LMO3: variants seen among roughly 807,000 people sequenced by gnomAD.
LMO3 encodes the protein LIM domain only 3.
Under a neutral mutation model 15.8 loss-of-function variants are expected in LMO3, and 2 were observed. The observed-to-expected ratio is 0.13, with a 90% CI of 0.05 to 0.40. The LOEUF (loss-of-function observed/expected upper bound fraction) is 0.40. Among genes scored for constraint, LMO3 ranks in the 10% least tolerant of loss-of-function variants. The probability of loss-of-function intolerance (pLI) is 0.99; values close to 1 mark genes in which losing one functional copy is unlikely to be tolerated. For synonymous variants in LMO3, 62 were observed against 63.8 expected (o/e 0.97, Z 0.13); for missense variants, 86 against 182.2 (o/e 0.47, Z 3.04).
At chr12:16,561,859 A>C (rs1397435049) in intron 2 of LMO3, among the ~76,000 whole-genome samples, 2 of 152,232 alleles carry the variant, frequency 1.3e-5, no homozygotes, top group African/African-American at 2.4e-5. Context: ...TTGAAGGTAG[A>C]AACAATAAAT....
upstream of LMO3, chr12:16,606,663 A>G (rs1010262714): frequency 2.0e-5 from 3 of 152,118 alleles, no homozygotes; most frequent in African/African-American, 7.2e-5. Context: ...GCCACGAGAC[A>G]GATCGGGCTT....
intron 2 of LMO3, among the ~76,000 whole-genome samples, chr12:16,563,987 T>C (rs1383467485): frequency 6.6e-6 from 1 of 152,196 alleles, no homozygotes; most frequent in Non-Finnish European, 1.5e-5. Flanking sequence ...GACCTTTATC[T>C]TGTTTCTGAC....
intron 1 of LMO3, 179 bp downstream of exon 1, chr12:16,605,887 A>G: frequency 1.4e-6 from 2 of 1,463,744 alleles, no homozygotes; most frequent in Non-Finnish European, 1.8e-6. Context: ...AAACCGTCTC[A>G]GTAGAGCTGC....
At chr12:16,574,863 A>G (rs1018714431) in intron 2 of LMO3, among the ~76,000 whole-genome samples, 1 of 152,172 alleles carries the variant, frequency 6.6e-6, no homozygotes, top group African/African-American at 2.4e-5. Context: ...TGACATGTCT[A>G]AGATCTCATA....
In LMO3 at chr12:16,604,250, C is replaced by G. The variant is rs894387645; in HGVS notation, c.-9+1816G>C. Among the ~76,000 whole-genome samples the G allele has an allele frequency of 6.6e-6, 1 of 152,116 alleles. No homozygotes were observed. The highest frequency in any genetic ancestry group is 1.5e-5 in the Non-Finnish European group (1 of 68,034). On this transcript the variant is annotated intron_variant, in intron 1 of 3. Transcript: ENST00000537304. The surrounding 1 kb of genome is among the most constrained non-coding windows in gnomAD (Gnocchi z 5.3). ...CCCAGAGCATCCCTACAGGCTGCAG[C>G]CCCCTAAGGGACAACAATGCAAATA...
rs566591646 is a variant in LMO3 at position 16,595,793 on chromosome 12, G to A, written c.206+4862C>T. ...TATGGTGTTTAAAAGCTCAAATGAA[G>A]CTTATAGAAATAAAGCTTATTTGTA... On this transcript the variant is annotated intron_variant, in intron 2 of 3. Coordinates refer to ENST00000537304, the MANE Select transcript of LMO3 (RefSeq NM_018640.5). 4.3e-4 allele frequency among the ~76,000 whole-genome samples: 65 copies of A among 151,334 alleles called. 1 individual carries two copies. Among genetic ancestry groups the A allele is most frequent in the African/African-American group, 1.4e-3 (60 of 41,456 alleles).
intron 1 of LMO3, chr12:16,605,471 A>C: frequency 1.4e-5 from 6 of 428,876 alleles, no homozygotes; most frequent in Non-Finnish European, 1.6e-5. Flanking sequence ...AAACACAGCC[A>C]CTTTTCCACG....
Position 16,551,201 on chromosome 12 carries a change from T to G in LMO3, c.*21A>C, listed in dbSNP as rs1941977820. On this transcript the variant is annotated 3_prime_UTR_variant, in exon 4 of 4. Coordinates refer to ENST00000537304, the MANE Select transcript of LMO3 (RefSeq NM_018640.5). ...AAAAGAATGTAGTGCTTTGTATTCT[T>G]AATGGGGTGATGTTGATAGATCAGC... The G allele has an allele frequency of 7.1e-7, 1 of 1,416,132 alleles. No individual in the cohort carries two copies. The highest frequency in any genetic ancestry group is 1.7e-5 in the Admixed American group (1 of 59,664). The allele number at this position is 1,416,132 out of a possible 1,614,324, so 87.7% of individuals were successfully genotyped here.
At position 16,559,409 on chromosome 12, in the gene LMO3, C is replaced by CT. The variant is rs1445981715; in HGVS notation, c.332+1003_332+1004insA. Among the ~76,000 whole-genome samples, 1 of 152,064 alleles carries CT rather than the reference C, an allele frequency of 6.6e-6. No individual in the cohort carries two copies. Among genetic ancestry groups the CT allele is most frequent in the African/African-American group, 2.4e-5 (1 of 41,378 alleles). ...TCTCTGAGATGAACTAATCCAGCTTCATATGTTACAAATGAAAAACCTGAG... is the reference window on the plus strand; with the variant it reads ...TCTCTGAGATGAACTAATCCAGCTTCTATATGTTACAAATGAAAAACCTGAG... On this transcript the variant is annotated intron_variant, in intron 3 of 3. Transcript: ENST00000537304. This position sits in a 1 kb window ranked among gnomAD's most constrained non-coding sequence, Gnocchi z 4.1.
At position 16,582,461 on chromosome 12, in the gene LMO3, T is replaced by C. The variant is rs555481321; in HGVS notation, c.206+18194A>G. 5.3e-5 allele frequency among the ~76,000 whole-genome samples: 8 copies of C among 152,226 alleles called. No homozygotes were observed. The highest frequency in any genetic ancestry group is 1.2e-4 in the African/African-American group (5 of 41,466). On this transcript the variant is annotated intron_variant, in intron 2 of 3. Coordinates refer to ENST00000537304, the MANE Select transcript of LMO3 (RefSeq NM_018640.5). This position sits in a 1 kb window ranked among gnomAD's most constrained non-coding sequence, Gnocchi z 4.1. ...TTGTCTTTATCAGGTCAAGGTACTG[T>C]ATTAGAGTTATGTTAGTTTTGCATA... is the stretch of plus-strand genomic sequence containing the variant.
rs920762010 is a variant in LMO3 at position 16,560,704 on chromosome 12, A to G, written c.207-166T>C. The G allele has an allele frequency of 1.5e-6, 1 of 656,276 alleles. No individual in the cohort carries two copies. The highest frequency in any genetic ancestry group is 2.7e-6 in the Non-Finnish European group (1 of 376,996). The allele number at this position is 656,276 out of a possible 1,614,324, so 40.7% of individuals were successfully genotyped here. A position where few individuals can be genotyped will look rare whatever the true frequency, so the allele number is the denominator to read the frequency against. ...GTATGCATAAATATTCTTCTGCAAT[A>G]TATTCTCCGTTGACCTTCCTTGATG... On this transcript the variant is annotated intron_variant, in intron 2 of 3. Transcript: ENST00000537304. This position sits in a 1 kb window ranked among gnomAD's most constrained non-coding sequence, Gnocchi z 5.0.
Position 16,604,744 on chromosome 12 carries a change from C to T in LMO3, c.-9+1322G>A. The T allele has an allele frequency of 9.1e-7, 1 of 1,097,182 alleles. No homozygotes were observed. The allele number at this position is 1,097,182 out of a possible 1,614,324, so 68.0% of individuals were successfully genotyped here. On this transcript the variant is annotated intron_variant, in intron 1 of 3. Transcript: ENST00000537304. The surrounding 1 kb of genome is among the most constrained non-coding windows in gnomAD (Gnocchi z 5.3). ...AAGCAGCAGTCTTTCAAAGCAGTTA[C>T]AACAATAATATTTCGGTTCTTTCAG...
intron 1 of LMO3, chr12:16,605,085 G>A: frequency 2.8e-6 from 4 of 1,454,256 alleles, no homozygotes; most frequent in Middle Eastern, 2.4e-4. Context: ...AAGGGATGAG[G>A]ACGGCCAGAC....
Position 16,560,378 on chromosome 12 carries a change from A to G in LMO3, c.332+35T>C. 1 of 1,602,550 alleles carries G rather than the reference A, an allele frequency of 6.2e-7. No individual in the cohort carries two copies. The highest frequency in any genetic ancestry group is 8.5e-7 in the Non-Finnish European group (1 of 1,175,034). On this transcript the variant is annotated intron_variant, in intron 3 of 3. Coordinates refer to ENST00000537304, the MANE Select transcript of LMO3 (RefSeq NM_018640.5). The surrounding 1 kb of genome is among the most constrained non-coding windows in gnomAD (Gnocchi z 5.0). Reference sequence around the variant, plus strand: ...ATAAATAGCCAGCACAGAGAGGTTAACCATTTCTTAGAGACCAAAAAGAGA... The same window carrying G: ...ATAAATAGCCAGCACAGAGAGGTTAGCCATTTCTTAGAGACCAAAAAGAGA...
At position 16,550,073 on chromosome 12, in the gene LMO3, C is replaced by A. The variant is rs1292853004; in HGVS notation, c.*1149G>T. 2 of 151,934 alleles carry A rather than the reference C, an allele frequency of 1.3e-5. No homozygotes were observed. The highest frequency in any genetic ancestry group is 4.8e-5 in the African/African-American group (2 of 41,404). The allele number at this position is 151,934 out of a possible 1,614,324, so 9.4% of individuals were successfully genotyped here. On this transcript the variant is annotated 3_prime_UTR_variant, in exon 4 of 4. Coordinates refer to ENST00000537304, the MANE Select transcript of LMO3 (RefSeq NM_018640.5). The stretch of plus-strand genomic sequence containing the variant: ...CACTAGTTCTCAGCATTTTATCAAT[C>A]CCTTTGTTTCTCTTCTTCTAGAAGA...
In LMO3 at chr12:16,582,909, T is replaced by C. The variant is rs1253988590; in HGVS notation, c.206+17746A>G. On this transcript the variant is annotated intron_variant, in intron 2 of 3. Coordinates refer to ENST00000537304, the MANE Select transcript of LMO3 (RefSeq NM_018640.5). This position sits in a 1 kb window ranked among gnomAD's most constrained non-coding sequence, Gnocchi z 4.1. ...CTAAAATAAAAAAATTAGCCGGGAG[T>C]GGTGGCATGCACCTGTAATCCCAGC... Among the ~76,000 whole-genome samples, 1 of 151,588 alleles carries C rather than the reference T, an allele frequency of 6.6e-6. No homozygotes were observed. The highest frequency in any genetic ancestry group is 2.4e-5 in the African/African-American group (1 of 41,234).
rs1165322564 is a variant in LMO3, at chr12:16,593,284, CAGT to C, written c.206+7368_206+7370del. On this transcript the variant is annotated intron_variant, in intron 2 of 3. Transcript: ENST00000537304. The surrounding 1 kb of genome is among the most constrained non-coding windows in gnomAD (Gnocchi z 4.2). ...AATTCCTAAGAGTCTTTTATTTTCC[CAGT>C]AGCCCAGTTGGAGAGTTTTAATATT... 7.9e-5 allele frequency among the ~76,000 whole-genome samples: 12 copies of C among 151,774 alleles called. No homozygotes were observed. Among genetic ancestry groups the C allele is most frequent in the Non-Finnish European group, 1.5e-4 (10 of 67,752 alleles).
In LMO3 at chr12:16,553,459, T is replaced by C. The variant is rs372419007; in HGVS notation, c.333-2132A>G. On this transcript the variant is annotated intron_variant, in intron 3 of 3. Transcript: ENST00000537304. ...CTACTATTCAATTAAGTGGTATATATAGAGCAACAGAGGCAGAGCGAGAGA... is the reference window on the plus strand; with the variant it reads ...CTACTATTCAATTAAGTGGTATATACAGAGCAACAGAGGCAGAGCGAGAGA... Among the ~76,000 whole-genome samples, 26 of 152,264 alleles carry C rather than the reference T, an allele frequency of 1.7e-4. No homozygotes were observed. The East Asian group carries it at 3.9e-3, about 23-fold the overall frequency.
intron 1 of LMO3, chr12:16,605,471 A>T: frequency 2.3e-6 from 1 of 428,874 alleles, no homozygotes; most frequent in Non-Finnish European, 2.7e-6. Flanking sequence ...AAACACAGCC[A>T]CTTTTCCACG....
Sources: gnomAD v4.1 joint callset for allele counts (sites outside exome capture counted in the v4.1 genomes callset) on GRCh38, gnomAD v4.1.1 for gene constraint, Gnocchi (gnomAD v3.1) non-coding constraint, MANE v1.5 for transcripts, NCBI Gene and HGNC (gene_info 2026-07-23, HGNC 2026-07-21) for gene names.